CRLS1: variants seen among roughly 807,000 people sequenced by gnomAD.
CRLS1 encodes cardiolipin synthase 1, also known as cardiolipin synthase (CMP-forming).
Under a neutral mutation model 37.0 loss-of-function variants are expected in CRLS1, and 24 were observed. The observed-to-expected ratio is 0.65, with a 90% CI of 0.47 to 0.91. The LOEUF (loss-of-function observed/expected upper bound fraction) is 0.91, where lower values mean the gene tolerates loss of function less well. Among genes scored for constraint, CRLS1 ranks in the 40% least tolerant of loss-of-function variants. The pLI, the probability that CRLS1 is intolerant of heterozygous loss-of-function variation, is 0.00. For missense variants in CRLS1, 373 were observed against 395.8 expected (o/e 0.94, Z 0.49); for synonymous variants, 135 against 159.7 (o/e 0.85, Z 1.17).
chr20:6,036,390 C>T (rs572875965), intron 6 of CRLS1, among the ~76,000 whole-genome samples: 6 of 152,272 alleles, frequency 3.9e-5, no homozygotes, highest in Admixed American at 6.5e-5. Flanking sequence ...AGTGCGTGGG[C>T]GCACTAAAAA....
At chr20:6,033,434 CTAT>C (rs1980329818) in intron 5 of CRLS1, among the ~76,000 whole-genome samples, 1 of 152,138 alleles carries the variant, frequency 6.6e-6, no homozygotes, top group Admixed American at 6.6e-5. Context: ...CTGCGCCTGG[CTAT>C]TATTTATTTT....
At chr20:6,013,142 TATAG>T (rs896731940) in intron 2 of CRLS1, among the ~76,000 whole-genome samples, 44 of 152,162 alleles carry the variant, frequency 2.9e-4, no homozygotes, top group South Asian at 1.2e-3. Flanking sequence ...TCTATGTGTA[TATAG>T]ATAGATAGAT....
intron 2 of CRLS1, among the ~76,000 whole-genome samples, chr20:6,013,946 G>A (rs1163879895): frequency 2.0e-5 from 3 of 152,134 alleles, no homozygotes; most frequent in Non-Finnish European, 4.4e-5. Context: ...GAAGATGAGA[G>A]GGTGATGATG....
At chr20:6,010,762 T>A (rs2090121793) in intron 2 of CRLS1, among the ~76,000 whole-genome samples, 1 of 152,248 alleles carries the variant, frequency 6.6e-6, no homozygotes, top group African/African-American at 2.4e-5. Context: ...TAAAACTGGC[T>A]GGACACAGTG....
At chr20:6,009,019 C>T (rs181678096) in intron 1 of CRLS1, among the ~76,000 whole-genome samples, 35 of 152,264 alleles carry the variant, frequency 2.3e-4, no homozygotes, top group Non-Finnish European at 4.1e-4. Flanking sequence ...TTCTGTCTTC[C>T]CTCTCTTAAG....
intron 6 of CRLS1, among the ~76,000 whole-genome samples, chr20:6,035,720 C>G (rs1370325932): frequency 6.6e-6 from 1 of 152,146 alleles, no homozygotes; most frequent in East Asian, 1.9e-4. Flanking sequence ...TTCCTGGCCT[C>G]AAGCGATCCT....
At chr20:6,006,609 A>G (rs1029746490) in intron 1 of CRLS1, 57 bp downstream of exon 1, 19 of 1,242,246 alleles carry the variant, frequency 1.5e-5, no homozygotes, top group Non-Finnish European at 1.8e-5. Flanking sequence ...CCGCCCCTGC[A>G]CTCAGGTAAC....
chr20:6,009,115 G>A (rs1167571113), intron 1 of CRLS1, among the ~76,000 whole-genome samples: 3 of 152,190 alleles, frequency 2.0e-5, no homozygotes, highest in Admixed American at 6.5e-5. Flanking sequence ...ACGAGGTCAG[G>A]AGTTTGAGAC....
intron 3 of CRLS1, chr20:6,028,663 C>G (rs749844436): frequency 6.6e-6 from 1 of 152,204 alleles, no homozygotes; most frequent in Non-Finnish European, 1.5e-5. Flanking sequence ...TATGTGATCT[C>G]TGTTACAGCT....
rs1980867630 is a variant in CRLS1 at position 6,039,959 on chromosome 20, T to C, written c.*2801T>C. 6.6e-6 allele frequency: 1 copy of C among 152,182 alleles called. No individual in the cohort carries two copies. The highest frequency in any genetic ancestry group is 2.4e-5 in the African/African-American group (1 of 41,448). The allele number at this position is 152,182 out of a possible 1,614,324, so 9.4% of individuals were successfully genotyped here. A position where few individuals can be genotyped will look rare whatever the true frequency, so the allele number is the denominator to read the frequency against. On this transcript the variant is annotated 3_prime_UTR_variant, in exon 7 of 7. Transcript: ENST00000378863. Reference sequence around the variant, plus strand: ...ATTTCCGGCCTGAACTGTAGGAAAATAAATTTCTGTTCTTTTAAGCCATTT... The same window carrying C: ...ATTTCCGGCCTGAACTGTAGGAAAACAAATTTCTGTTCTTTTAAGCCATTT...
chr20:6,038,214 G>T lies in CRLS1; in HGVS notation c.*1056G>T, dbSNP rs1273685726. 2.6e-5 allele frequency: 4 copies of T among 152,034 alleles called. No individual in the cohort carries two copies. Among genetic ancestry groups the T allele is most frequent in the African/African-American group, 9.7e-5 (4 of 41,240 alleles). 9.4% of individuals were successfully genotyped at this position (152,034 alleles called of 1,614,324 possible). A position where few individuals can be genotyped will look rare whatever the true frequency, so the allele number is the denominator to read the frequency against. Reference sequence around the variant, plus strand: ...TGTTGCTACACGTACATCATGTTTAGGAGAATGTGGGATATGGGGAAGGGG... The same window carrying T: ...TGTTGCTACACGTACATCATGTTTATGAGAATGTGGGATATGGGGAAGGGG... On this transcript the variant is annotated 3_prime_UTR_variant, in exon 7 of 7. Coordinates refer to ENST00000378863, the MANE Select transcript of CRLS1 (RefSeq NM_019095.6).
chr20:6,006,093 A>G (rs1010461710), upstream of CRLS1: 3 of 392,970 alleles, frequency 7.6e-6, no homozygotes, highest in Admixed American at 1.4e-4. Flanking sequence ...TGCCACCTGT[A>G]TAAGTGGAGT....
Position 6,009,776 on chromosome 20 carries a change from A to G in CRLS1, c.308A>G (p.Tyr103Cys). 6.2e-7 allele frequency: 1 copy of G among 1,608,652 alleles called. No individual in the cohort carries two copies. The highest frequency in any genetic ancestry group is 8.5e-7 in the Non-Finnish European group (1 of 1,176,898). ...AATTTTGTTGTCTTTGTGTTTCAGTATGAAAACCCATGGACAATCCCGAAT... is the reference window on the plus strand; with the variant it reads ...AATTTTGTTGTCTTTGTGTTTCAGTGTGAAAACCCATGGACAATCCCGAAT... ...QWGPASTPSL[Y>C]ENPWTIPNML... Residue 103 changes from tyrosine (Y) to cysteine (C), a missense_variant and splice_region_variant, in exon 2 of 7, where the codon TAT becomes TGT. By Grantham distance (194) the Tyr-to-Cys change is radical. Transcript: ENST00000378863.
At chr20:6,019,189 C>A (rs1286506813) in intron 3 of CRLS1, among the ~76,000 whole-genome samples, 1 of 152,010 alleles carries the variant, frequency 6.6e-6, no homozygotes, top group Non-Finnish European at 1.5e-5. Context: ...ATAGGTAATT[C>A]ATTTTCTTTA....
In CRLS1 at chr20:6,009,901, C is replaced by A; in HGVS notation, c.433C>A (p.Leu145Ile). The change falls in exon 2 of 7, where the codon CTA (leucine) becomes ATA (isoleucine). Residue 145 changes from leucine (L) to isoleucine (I), a missense_variant. Transcript: ENST00000378863. ...IALGVFALAG[L>I]TDLLDGFIAR... ...ACTAGGAGTTTTTGCTTTAGCTGGA[C>A]TAACAGATTTGGTAAGTTGTAAATG... 6.2e-7 allele frequency: 1 copy of A among 1,613,632 alleles called. No individual in the cohort carries two copies. The highest frequency in any genetic ancestry group is 8.5e-7 in the Non-Finnish European group (1 of 1,179,800).
intron 3 of CRLS1, among the ~76,000 whole-genome samples, chr20:6,024,882 G>C (rs1455880405): frequency 6.6e-6 from 1 of 152,192 alleles, no homozygotes; most frequent in Non-Finnish European, 1.5e-5. Flanking sequence ...ATCTATAATA[G>C]ATCAAGGCCC....
chr20:6,039,901 G>A lies in CRLS1; in HGVS notation c.*2743G>A, dbSNP rs1391844040. 1 of 152,208 alleles carries A rather than the reference G, an allele frequency of 6.6e-6. No homozygotes were observed. Among genetic ancestry groups the A allele is most frequent in the Admixed American group, 6.5e-5 (1 of 15,276 alleles). The allele number at this position is 152,208 out of a possible 1,614,324, so 9.4% of individuals were successfully genotyped here. ...GGAACAACTCCCTCGGAGCCTCCAA[G>A]AGGAACCAACCCCACTGATGCTTTG... On this transcript the variant is annotated 3_prime_UTR_variant, in exon 7 of 7. Transcript: ENST00000378863.
At chr20:6,015,708 A>G (rs932511092) in intron 3 of CRLS1, 2 of 471,626 alleles carry the variant, frequency 4.2e-6, no homozygotes, top group Non-Finnish European at 7.7e-6. Flanking sequence ...TTGCTTTCCT[A>G]GTAAGATTGT....
intron 3 of CRLS1, among the ~76,000 whole-genome samples, chr20:6,025,909 CT>C (rs1218328289): frequency 1.3e-5 from 2 of 152,132 alleles, no homozygotes; most frequent in African/African-American, 4.8e-5. Context: ...ACCTGAGTTG[CT>C]TTTTAAAGAG....
Sources: gnomAD v4.1 joint callset for allele counts (sites outside exome capture counted in the v4.1 genomes callset) on GRCh38, gnomAD v4.1.1 for gene constraint, MANE v1.5 for transcripts, NCBI Gene and HGNC (gene_info 2026-07-23, HGNC 2026-07-21) for gene names.